The following RGS7 variants were observed in gnomAD, a reference collection of about 807,000 sequenced individuals.
The protein encoded by RGS7 is regulator of G protein signaling 7.
RGS7 carries 27 observed loss-of-function variants against 81.1 expected under a neutral mutation model. The observed-to-expected ratio is 0.33, with a 90% confidence interval of 0.25 to 0.46. The LOEUF is 0.46. Ranked by LOEUF, RGS7 falls within the 20% of genes least tolerant of loss-of-function variation. The pLI, the probability that RGS7 is intolerant of heterozygous loss-of-function variation, is 1.00. For synonymous variants in RGS7, 208 were observed against 207.7 expected (o/e 1.00, Z -0.01); for missense variants, 396 against 607.4 (o/e 0.65, Z 3.66).
chr1:240,855,763 T>C (rs1661004068), intron 9 of RGS7, among the ~76,000 whole-genome samples: 2 of 152,112 alleles, frequency 1.3e-5, no homozygotes, highest in Non-Finnish European at 2.9e-5. Flanking sequence ...TTTATCTTTT[T>C]AATTCATATT....
chr1:240,972,835 C>T (rs1467776183), intron 4 of RGS7, among the ~76,000 whole-genome samples: 1 of 100,250 alleles, frequency 1.0e-5, no homozygotes, highest in African/African-American at 3.7e-5. Context: ...GCCTGGGCAA[C>T]AACCCCGCCT....
At chr1:241,151,587 T>G (rs982307255) in intron 2 of RGS7, among the ~76,000 whole-genome samples, 1 of 148,502 alleles carries the variant, frequency 6.7e-6, no homozygotes, top group South Asian at 2.1e-4. Context: ...TTTTTTTTTT[T>G]ACTTTAAGTT....
chr1:240,969,652 T>A (rs1682883965), intron 4 of RGS7, among the ~76,000 whole-genome samples: 1 of 151,940 alleles, frequency 6.6e-6, no homozygotes, highest in Non-Finnish European at 1.5e-5. Context: ...ATGAGAGAGG[T>A]CACAAAACTC....
At chr1:240,822,858 T>C (rs1692050160) in intron 10 of RGS7, 3 of 320,296 alleles carry the variant, frequency 9.4e-6, no homozygotes, top group Non-Finnish European at 1.8e-5. Flanking sequence ...TGTTTAATTT[T>C]CAGCTGTAGG....
intron 4 of RGS7, among the ~76,000 whole-genome samples, chr1:240,942,966 T>C (rs749474992): frequency 3.3e-5 from 5 of 152,164 alleles, no homozygotes; most frequent in Non-Finnish European, 5.9e-5. Context: ...TTCTCAACAG[T>C]AGGAGTTAGT....
At chr1:240,919,379 T>A (rs1673122990) in intron 6 of RGS7, among the ~76,000 whole-genome samples, 1 of 152,188 alleles carries the variant, frequency 6.6e-6, no homozygotes, top group Non-Finnish European at 1.5e-5. Flanking sequence ...TTATACATCA[T>A]GACCAGGTGA....
intron 2 of RGS7, among the ~76,000 whole-genome samples, chr1:241,118,905 G>C (rs1321219495): frequency 1.3e-5 from 2 of 152,094 alleles, no homozygotes; most frequent in Admixed American, 1.3e-4. Context: ...AGGCAAGGAG[G>C]CTGAGGGTTG....
intron 2 of RGS7, among the ~76,000 whole-genome samples, chr1:241,286,456 A>C (rs2078815151): frequency 6.6e-6 from 1 of 152,190 alleles, no homozygotes; most frequent in Admixed American, 6.5e-5. Context: ...GTTCAGAAAC[A>C]CCGCTAAGAA....
chr1:240,904,283 G>A (rs769479648), intron 6 of RGS7, among the ~76,000 whole-genome samples: 2 of 152,170 alleles, frequency 1.3e-5, no homozygotes, highest in African/African-American at 4.8e-5. Context: ...TCCCAGAAAA[G>A]ATCAGGACGG....
chr1:241,091,981 TA>T (rs1270719488), intron 3 of RGS7, among the ~76,000 whole-genome samples: 1 of 152,176 alleles, frequency 6.6e-6, no homozygotes, highest in Non-Finnish European at 1.5e-5. Context: ...TTTAAAATAT[TA>T]AAAAAGCAAT....
chr1:240,937,934 T>C (rs183629308), intron 4 of RGS7, among the ~76,000 whole-genome samples: 3 of 152,328 alleles, frequency 2.0e-5, no homozygotes, highest in Admixed American at 2.0e-4. Context: ...GTAATACTCA[T>C]ACTGTTTATA....
chr1:241,300,329 T>C (rs1373987165), intron 2 of RGS7, among the ~76,000 whole-genome samples: 1 of 152,216 alleles, frequency 6.6e-6, no homozygotes, highest in East Asian at 1.9e-4. Context: ...CTTGGTGTTA[T>C]ATATTCTATG....
intron 2 of RGS7, among the ~76,000 whole-genome samples, chr1:241,236,392 T>C (rs149083791): frequency 6.6e-6 from 1 of 152,330 alleles, no homozygotes; most frequent in Non-Finnish European, 1.5e-5. Context: ...AATTGACAGA[T>C]ACTGAATGAC....
At chr1:240,911,085 G>A (rs905657514) in intron 6 of RGS7, among the ~76,000 whole-genome samples, 12 of 152,080 alleles carry the variant, frequency 7.9e-5, no homozygotes, top group Non-Finnish European at 1.2e-4. Flanking sequence ...TGTGCCAGAC[G>A]CATTTATTGT....
chr1:240,847,523 T>C (rs1023983865), intron 9 of RGS7, among the ~76,000 whole-genome samples: 1 of 152,180 alleles, frequency 6.6e-6, no homozygotes, highest in African/African-American at 2.4e-5. Context: ...AAAATATAAA[T>C]GGAGAGAGCC....
intron 9 of RGS7, 66 bp from the exon 10 acceptor site, chr1:240,827,238 T>C (rs566668415): frequency 3.1e-6 from 4 of 1,275,336 alleles, no homozygotes; most frequent in East Asian, 2.3e-5. Flanking sequence ...AGGACAATCA[T>C]GAATGGCTCG....
chr1:241,243,034 GTGTGTGTCTTTTGTTTTTC>G (rs2076338545), intron 2 of RGS7, among the ~76,000 whole-genome samples: 1 of 151,896 alleles, frequency 6.6e-6, no homozygotes, highest in South Asian at 2.1e-4. Flanking sequence ...TTTTGTTTTT[GTGTGTGTCTTTTGTTTTTC>G]TCCTCTCCCA....
chr1:241,318,569 G>A (rs973880501), intron 2 of RGS7, among the ~76,000 whole-genome samples: 1 of 151,790 alleles, frequency 6.6e-6, no homozygotes, highest in Non-Finnish European at 1.5e-5. Flanking sequence ...CGATTCTCCC[G>A]CCTCAGCCTC....
chr1:241,236,064 T>A (rs550824512), intron 2 of RGS7, among the ~76,000 whole-genome samples: 1 of 152,060 alleles, frequency 6.6e-6, no homozygotes, highest in Non-Finnish European at 1.5e-5. Context: ...TTTGAGACCA[T>A]GAGATGACAA....
Sources: gnomAD v4.1 joint callset for allele counts (sites outside exome capture counted in the v4.1 genomes callset) on GRCh38, gnomAD v4.1.1 for gene constraint, MANE v1.5 for transcripts, NCBI Gene and HGNC (gene_info 2026-07-23, HGNC 2026-07-21) for gene names.